The following FAR2 variants were observed in gnomAD, a reference collection of about 807,000 sequenced individuals.
The protein encoded by FAR2 is epididymis secretory protein Li 81.
Under a neutral mutation model 56.0 loss-of-function variants are expected in FAR2, and 19 were observed. That is an observed-to-expected ratio of 0.34 (90% CI 0.24 to 0.50). The LOEUF (loss-of-function observed/expected upper bound fraction) is 0.50. Among genes scored for constraint, FAR2 ranks in the 20% least tolerant of loss-of-function variants. FAR2 has a pLI of 0.98. For synonymous variants in FAR2, 219 were observed against 218.8 expected, an observed-to-expected ratio of 1.00 and a Z score of -0.01; for missense variants, 508 against 642.2, an observed-to-expected ratio of 0.79 and a Z score of 2.26.
chr12:29,335,518 G>T lies in FAR2; in HGVS notation c.*1724G>T, dbSNP rs964848605. The T allele has an allele frequency of 6.6e-6, 1 of 152,086 alleles. No individual in the cohort carries two copies. Among genetic ancestry groups the T allele is most frequent in the South Asian group, 2.1e-4 (1 of 4,826 alleles). The allele number at this position is 152,086 out of a possible 1,614,324, so 9.4% of individuals were successfully genotyped here. ...GATTAAGACATAATAATAGTTCTAA[G>T]AATTCACTTTTGATTGTATGTTTTA... is the stretch of plus-strand genomic sequence containing the variant. On this transcript the variant is annotated 3_prime_UTR_variant, in exon 12 of 12. Coordinates refer to ENST00000536681, the MANE Select transcript of FAR2 (RefSeq NM_001271783.2).
At chr12:29,188,574 A>G (rs1185502896) in intron 1 of FAR2, among the ~76,000 whole-genome samples, 1 of 152,172 alleles carries the variant, frequency 6.6e-6, no homozygotes, top group East Asian at 1.9e-4. Flanking sequence ...TAGCATCTTA[A>G]TATACCATGG....
chr12:29,205,144 C>T (rs924913322), intron 1 of FAR2, among the ~76,000 whole-genome samples: 5 of 152,194 alleles, frequency 3.3e-5, no homozygotes, highest in African/African-American at 1.2e-4. Context: ...TTGACTTATA[C>T]AGTGGAACCC....
chr12:29,177,610 G>A (rs539705914), intron 1 of FAR2, among the ~76,000 whole-genome samples: 2 of 151,818 alleles, frequency 1.3e-5, no homozygotes, highest in Non-Finnish European at 2.9e-5. Flanking sequence ...TGGGTAGTGG[G>A]TTGAAAAAAA....
At chr12:29,266,605 A>C (rs1181327307) in intron 1 of FAR2, among the ~76,000 whole-genome samples, 2 of 152,120 alleles carry the variant, frequency 1.3e-5, no homozygotes, top group Non-Finnish European at 2.9e-5. Flanking sequence ...GACTAAGTCA[A>C]CAATAATTTA....
chr12:29,268,191 T>C (rs921510160), intron 1 of FAR2, among the ~76,000 whole-genome samples: 6 of 152,164 alleles, frequency 3.9e-5, no homozygotes, highest in African/African-American at 1.4e-4. Context: ...AGTTGTTTTT[T>C]TCTTCTTTAT....
At chr12:29,177,839 A>AC (rs960404651) in intron 1 of FAR2, among the ~76,000 whole-genome samples, 3 of 151,372 alleles carry the variant, frequency 2.0e-5, no homozygotes, top group East Asian at 1.9e-4. Context: ...AAGCACAAAA[A>AC]AAACAAACAA....
chr12:29,274,312 T>C (rs899791565), intron 2 of FAR2, among the ~76,000 whole-genome samples: 10 of 151,376 alleles, frequency 6.6e-5, no homozygotes, highest in African/African-American at 1.7e-4. Flanking sequence ...TTTGTCCTTG[T>C]GATAGTTTGC....
chr12:29,293,498 TG>T, intron 3 of FAR2, 23 bp downstream of exon 3: 1 of 1,496,504 alleles, frequency 6.7e-7, no homozygotes, highest in Non-Finnish European at 8.9e-7. Context: ...TTCCCTCTCA[TG>T]GCTTGTATAC....
At chr12:29,157,933 A>G (rs1218571347) in intron 1 of FAR2, among the ~76,000 whole-genome samples, 1 of 152,236 alleles carries the variant, frequency 6.6e-6, no homozygotes. Flanking sequence ...AACTGTAACA[A>G]GTCAGTGTTT....
intron 1 of FAR2, among the ~76,000 whole-genome samples, chr12:29,204,351 A>G (rs749356662): frequency 6.6e-6 from 1 of 152,176 alleles, no homozygotes; most frequent in Non-Finnish European, 1.5e-5. Context: ...AGAGGTACAT[A>G]TAAAATGAAA....
chr12:29,188,339 C>T (rs946490028), intron 1 of FAR2, among the ~76,000 whole-genome samples: 3 of 152,050 alleles, frequency 2.0e-5, no homozygotes, highest in African/African-American at 4.8e-5. Flanking sequence ...TCATTTATTT[C>T]TCATTTTATG....
At chr12:29,296,653 C>T (rs1448789837) in intron 3 of FAR2, among the ~76,000 whole-genome samples, 1 of 152,160 alleles carries the variant, frequency 6.6e-6, no homozygotes, top group Admixed American at 6.5e-5. Flanking sequence ...AGTTTATTTA[C>T]ATTTTCCAAC....
At chr12:29,307,530 C>A in intron 4 of FAR2, 128 bp from the exon 5 acceptor site, 1 of 902,908 alleles carries the variant, frequency 1.1e-6, no homozygotes, top group Non-Finnish European at 1.7e-6. Context: ...AACTTGGTAT[C>A]ATGTGACTGT....
chr12:29,180,415 T>G (rs558421273), intron 1 of FAR2, among the ~76,000 whole-genome samples: 1 of 152,248 alleles, frequency 6.6e-6, no homozygotes, highest in East Asian at 1.9e-4. Flanking sequence ...TCCAGTTCCC[T>G]TATGCTGCTC....
At chr12:29,209,332 TAGATA>T (rs1947515563) in intron 1 of FAR2, among the ~76,000 whole-genome samples, 2 of 152,204 alleles carry the variant, frequency 1.3e-5, no homozygotes, top group African/African-American at 4.8e-5. Flanking sequence ...TTTCTTACCT[TAGATA>T]AGATGCATCA....
In FAR2 at chr12:29,204,246, T is replaced by C. The variant is rs74795250; in HGVS notation, c.-39+54839T>C. Among the ~76,000 whole-genome samples, 1,325 of 152,038 alleles carry C rather than the reference T, an allele frequency of 8.7e-3. 27 individuals are homozygous for C. Among genetic ancestry groups the C allele is most frequent in the African/African-American group, 0.03 (1,251 of 41,452 alleles). ...GATTTTTTCACATTTTTTTTTCAAG[T>C]ACCTCCTCTAAACCAGGACTATGTT... On this transcript the variant is annotated intron_variant, in intron 1 of 11. Transcript: ENST00000536681.
intron 1 of FAR2, among the ~76,000 whole-genome samples, chr12:29,198,086 A>G (rs1377961056): frequency 6.6e-6 from 1 of 152,226 alleles, no homozygotes; most frequent in Non-Finnish European, 1.5e-5. Context: ...CTTTCAAAAT[A>G]ACAAATTTTT....
intron 1 of FAR2, among the ~76,000 whole-genome samples, chr12:29,234,794 G>C (rs1412552491): frequency 1.3e-5 from 2 of 152,132 alleles, no homozygotes; most frequent in Non-Finnish European, 2.9e-5. Flanking sequence ...ATGCAGTTCA[G>C]ATACTCTCTC....
chr12:29,309,438 T>G (rs549149041), intron 6 of FAR2, among the ~76,000 whole-genome samples: 3 of 152,304 alleles, frequency 2.0e-5, no homozygotes, highest in East Asian at 1.9e-4. Flanking sequence ...ACAGAGGTAA[T>G]GTGCTATCAG....
Sources: gnomAD v4.1 joint callset for allele counts (sites outside exome capture counted in the v4.1 genomes callset) on GRCh38, gnomAD v4.1.1 for gene constraint, MANE v1.5 for transcripts, NCBI Gene and HGNC (gene_info 2026-07-23, HGNC 2026-07-21) for gene names.